Variants in GRB2 observed in about 807,000 individuals in gnomAD.
GRB2 encodes the protein growth factor receptor-bound protein 2.
In GRB2, 2 loss-of-function variants were observed where a neutral mutation model predicts 27.4. The ratio of observed to expected loss-of-function variants is 0.07; its 90% CI spans 0.03 to 0.23. The LOEUF (loss-of-function observed/expected upper bound fraction) is 0.23. Among genes scored for constraint, GRB2 ranks in the 10% least tolerant of loss-of-function variants. The pLI is 1.00. For missense variants in GRB2, 102 were observed against 282.4 expected, an observed-to-expected ratio of 0.36 and a Z score of 4.58; for synonymous variants, 94 against 99.6, an observed-to-expected ratio of 0.94 and a Z score of 0.33.
In GRB2 at chr17:75,321,478, G is replaced by GA. The variant is rs200882696; in HGVS notation, c.468+180dup. Among the ~76,000 whole-genome samples the GA allele has an allele frequency of 9.3e-3, 1,409 of 152,154 alleles. 19 individuals are homozygous for GA. Among genetic ancestry groups the GA allele is most frequent in the African/African-American group, 0.032 (1,321 of 41,502 alleles). ...AGGTGTGAGCTACTATGCTGGGCCAGAAAAAAGAACTCTTTAGTGTGAATG... is the reference window on the plus strand; with the variant it reads ...AGGTGTGAGCTACTATGCTGGGCCAGAAAAAAAGAACTCTTTAGTGTGAATG... On this transcript the variant is annotated intron_variant, in intron 5 of 5. Transcript: ENST00000316804.
intron 2 of GRB2, among the ~76,000 whole-genome samples, chr17:75,333,150 A>T (rs2078552640): frequency 6.6e-6 from 1 of 151,974 alleles, no homozygotes; most frequent in Non-Finnish European, 1.5e-5. Context: ...ATCTTGGCTC[A>T]CTGCAACCTC....
intron 4 of GRB2, among the ~76,000 whole-genome samples, chr17:75,322,685 A>G (rs1051445826): frequency 1.3e-5 from 2 of 152,122 alleles, no homozygotes; most frequent in African/African-American, 4.8e-5. Flanking sequence ...TCACTAGATC[A>G]CACCCTTTTA....
At chr17:75,391,693 G>A (rs966964757) in intron 2 of GRB2, among the ~76,000 whole-genome samples, 3 of 151,706 alleles carry the variant, frequency 2.0e-5, no homozygotes, top group South Asian at 2.1e-4. Flanking sequence ...CTGTAGTCCC[G>A]GCTACTCGGG....
intron 2 of GRB2, among the ~76,000 whole-genome samples, chr17:75,360,149 C>G (rs4789177): frequency 0.89 from 134,712 of 152,166 alleles, 60,492 homozygotes; most frequent in Non-Finnish European, 0.96. Context: ...AAAAAGAAAT[C>G]ATAAACGATC....
At chr17:75,336,214 T>A (rs2078575897) in intron 2 of GRB2, among the ~76,000 whole-genome samples, 1 of 152,208 alleles carries the variant, frequency 6.6e-6, no homozygotes, top group Non-Finnish European at 1.5e-5. Flanking sequence ...AAACAATATT[T>A]ATTATTTTAT....
intron 1 of GRB2, among the ~76,000 whole-genome samples, chr17:75,403,018 T>A (rs2079073205): frequency 7.7e-6 from 1 of 129,746 alleles, no homozygotes; most frequent in Admixed American, 9.5e-5. Context: ...GAAGTTGTGG[T>A]GACCTGAGAT....
At chr17:75,387,024 G>A (rs968347252) in intron 2 of GRB2, among the ~76,000 whole-genome samples, 7 of 123,818 alleles carry the variant, frequency 5.7e-5, no homozygotes, top group African/African-American at 1.8e-4. Flanking sequence ...AGCTGGGTGT[G>A]GTGGCGGGTG....
At chr17:75,389,385 T>C (rs1322945845) in intron 2 of GRB2, among the ~76,000 whole-genome samples, 1 of 152,202 alleles carries the variant, frequency 6.6e-6, no homozygotes, top group Admixed American at 6.5e-5. Flanking sequence ...TGAACGACTC[T>C]AGCAGTTACA....
At chr17:75,354,808 C>T (rs964761435) in intron 2 of GRB2, among the ~76,000 whole-genome samples, 37 of 152,298 alleles carry the variant, frequency 2.4e-4, no homozygotes, top group Middle Eastern at 3.4e-3. Context: ...CTTAACTTCT[C>T]ATAGCTGATG....
At chr17:75,321,902 G>T in intron 4 of GRB2, 75 bp from the exon 5 acceptor site, 1 of 1,406,542 alleles carries the variant, frequency 7.1e-7, no homozygotes, top group Non-Finnish European at 9.8e-7. Flanking sequence ...CCATATAGGA[G>T]CTATCTCGAG....
intron 1 of GRB2, chr17:75,404,824 A>G (rs2079088281): frequency 6.6e-6 from 1 of 152,018 alleles, no homozygotes; most frequent in African/African-American, 2.4e-5. Flanking sequence ...ACAAGCCATA[A>G]CTCATGTGTG....
chr17:75,322,894 C>T (rs1277056111), intron 4 of GRB2, among the ~76,000 whole-genome samples: 3 of 151,932 alleles, frequency 2.0e-5, no homozygotes, highest in Non-Finnish European at 4.4e-5. Flanking sequence ...CCGAGGTGGG[C>T]GGATCATAAG....
At chr17:75,363,288 G>A (rs939431995) in intron 2 of GRB2, among the ~76,000 whole-genome samples, 3 of 152,122 alleles carry the variant, frequency 2.0e-5, no homozygotes, top group African/African-American at 7.2e-5. Flanking sequence ...GGAACTGCCA[G>A]GTCACAGGTC....
chr17:75,324,302 C>T (rs12940287), intron 4 of GRB2, among the ~76,000 whole-genome samples: 88,400 of 150,694 alleles, frequency 0.59, 31,071 homozygotes, highest in East Asian at 0.87. Flanking sequence ...AGTGATTCTT[C>T]TCTCTCAGCC....
chr17:75,330,521 A>G (rs1296025984), intron 3 of GRB2, among the ~76,000 whole-genome samples: 1 of 152,064 alleles, frequency 6.6e-6, no homozygotes, highest in East Asian at 1.9e-4. Flanking sequence ...TAAAAATACA[A>G]CAATTCGACG....
chr17:75,385,666 A>G (rs1192662893), intron 2 of GRB2, among the ~76,000 whole-genome samples: 1 of 152,226 alleles, frequency 6.6e-6, no homozygotes, highest in Non-Finnish European at 1.5e-5. Context: ...TTGTCAGTAA[A>G]ATGGGGATAA....
chr17:75,378,824 A>G (rs1387240703), intron 2 of GRB2, among the ~76,000 whole-genome samples: 2 of 152,250 alleles, frequency 1.3e-5, no homozygotes, highest in East Asian at 1.9e-4. Context: ...TTCTAGCATT[A>G]AATGAGGCCA....
At chr17:75,363,859 CAAAAAAAAAAAAAAAAAAA>C (rs55746272) in intron 2 of GRB2, among the ~76,000 whole-genome samples, 5 of 58,524 alleles carry the variant, frequency 8.5e-5, no homozygotes, top group South Asian at 7.3e-4. Flanking sequence ...GACTCCGTCT[CAAAAAAAAAAAAAAAAAAA>C]AAAAAAAAAA....
chr17:75,357,509 A>G (rs752652417), intron 2 of GRB2, among the ~76,000 whole-genome samples: 3 of 152,212 alleles, frequency 2.0e-5, no homozygotes, highest in Non-Finnish European at 2.9e-5. Flanking sequence ...TTCTTTGAAA[A>G]AATAAAGTTG....
Sources: gnomAD v4.1 joint callset for allele counts (sites outside exome capture counted in the v4.1 genomes callset) on GRCh38, gnomAD v4.1.1 for gene constraint, MANE v1.5 for transcripts, NCBI Gene and HGNC (gene_info 2026-07-23, HGNC 2026-07-21) for gene names.